Variants in FHDC1 observed in about 807,000 individuals in gnomAD.
FHDC1 encodes the protein FH2 domain-containing protein 1.
In FHDC1, 25 loss-of-function variants were observed where a neutral mutation model predicts 52.6. That is an observed-to-expected ratio of 0.48 (90% CI 0.35 to 0.66). The LOEUF (loss-of-function observed/expected upper bound fraction) is 0.66, where lower values mean the gene tolerates loss of function less well. Ranked by LOEUF, FHDC1 falls within the 30% of genes least tolerant of loss-of-function variation. The pLI, the probability that FHDC1 is intolerant of heterozygous loss-of-function variation, is 0.01. For missense variants in FHDC1, 1,459 were observed against 1,452.8 expected (o/e 1.00, Z -0.07); for synonymous variants, 616 against 581.5 (o/e 1.06, Z -0.85).
chr4:152,972,611 C>T, intron 11 of FHDC1, 70 bp downstream of exon 11: 5 of 1,508,698 alleles, frequency 3.3e-6, no homozygotes, highest in South Asian at 1.3e-5. Context: ...ACCTAGTCAT[C>T]TGCTCACCAC....
chr4:152,942,283 AC>A (rs1278050033), intron 1 of FHDC1, among the ~76,000 whole-genome samples: 3 of 152,188 alleles, frequency 2.0e-5, no homozygotes, highest in Admixed American at 1.3e-4. Context: ...CTTGTCTAAA[AC>A]TATAAGCAGT....
chr4:152,929,832 C>T, the FHDC1 span, among the ~76,000 whole-genome samples: 4 of 151,952 alleles, frequency 2.6e-5, no homozygotes, highest in African/African-American at 9.7e-5. This position sits in a 1 kb window ranked among gnomAD's most constrained non-coding sequence, Gnocchi z 4.1. Context: ...AAAATATGTT[C>T]GAATCTGTCA....
In FHDC1 at chr4:152,960,590, G is replaced by A. The variant is rs766664654; in HGVS notation, c.689G>A (p.Gly230Asp). The A allele has an allele frequency of 3.7e-6, 6 of 1,614,000 alleles. No homozygotes were observed. Among genetic ancestry groups the A allele is most frequent in the East Asian group, 4.5e-5 (2 of 44,882 alleles). ...EEVKKLKAFS[G>D]DVSKLSLADS... ...GTAAAGAAGTTAAAAGCGTTTAGTG[G>A]CGACGTGTCGAAGCTGTCTCTGGCA... is the stretch of plus-strand genomic sequence containing the variant. Residue 230 changes from glycine to aspartate, a missense_variant, in exon 5 of 12, where the codon GGC becomes GAC. Gly to Asp is a moderately conservative substitution (Grantham distance 94). Transcript: ENST00000511601.
At chr4:152,928,487 A>G in the FHDC1 span, among the ~76,000 whole-genome samples, 2 of 152,210 alleles carry the variant, frequency 1.3e-5, no homozygotes, top group African/African-American at 4.8e-5. Context: ...CTGAAGTTCT[A>G]CTAAAAATGC....
chr4:152,949,170 A>AAGAAGAAGAAGAAGAAGC lies in FHDC1; in HGVS notation c.499-4327_499-4326insAAGAAGAAGAAGAAGCAG, dbSNP rs1165422183. ...GAAGAAGAAGAAGAAGAAGAAGAAGAAGCAGAAGAAGAAAATGGTTATGGA... is the reference window on the plus strand; with the variant it reads ...GAAGAAGAAGAAGAAGAAGAAGAAGAAGAAGAAGAAGAAGAAGCAGCAGAAGAAGAAAATGGTTATGGA... On this transcript the variant is annotated intron_variant, in intron 2 of 11. Transcript: ENST00000511601. Among the ~76,000 whole-genome samples, 143 of 142,494 alleles carry AAGAAGAAGAAGAAGAAGC rather than the reference A, an allele frequency of 1.0e-3. 1 individual carries two copies. Among genetic ancestry groups the AAGAAGAAGAAGAAGAAGC allele is most frequent in the Middle Eastern group, 3.8e-3 (1 of 266 alleles). 93.5% of individuals were successfully genotyped at this position (142,494 alleles called of 152,430 possible).
At chr4:152,931,935 TAAAAAAAAAAA>T (rs200667161), upstream of FHDC1, among the ~76,000 whole-genome samples, 913 of 95,256 alleles carry the variant, frequency 9.6e-3, 13 homozygotes, top group African/African-American at 0.032. Flanking sequence ...AGAACCTGTC[TAAAAAAAAAAA>T]AAAAAAAAAA....
intron 6 of FHDC1, 91 bp from the exon 7 acceptor site, chr4:152,962,723 A>G: frequency 9.6e-7 from 1 of 1,037,778 alleles, no homozygotes. Context: ...AGTTTGCTTC[A>G]GATACACTTG....
intron 8 of FHDC1, among the ~76,000 whole-genome samples, chr4:152,963,582 A>T (rs1315989767): frequency 1.3e-5 from 2 of 151,910 alleles, no homozygotes; most frequent in Non-Finnish European, 2.9e-5. Flanking sequence ...GTGAGCGTTG[A>T]GGGGGAGGGT....
chr4:152,924,224 G>T, the FHDC1 span, among the ~76,000 whole-genome samples: 1 of 151,990 alleles, frequency 6.6e-6, no homozygotes, highest in Non-Finnish European at 1.5e-5. Flanking sequence ...CTTCTCAAAA[G>T]AAGACATTTA....
chr4:152,962,733 G>T, intron 6 of FHDC1, 81 bp from the exon 7 acceptor site: 1 of 1,171,824 alleles, frequency 8.5e-7, no homozygotes, highest in South Asian at 1.3e-5. Context: ...AGATACACTT[G>T]AACTTGGATG....
At chr4:152,934,179 G>GA (rs1199022771), upstream of FHDC1, among the ~76,000 whole-genome samples, 2 of 152,130 alleles carry the variant, frequency 1.3e-5, no homozygotes, top group Non-Finnish European at 2.9e-5. Flanking sequence ...TGGTGCATGT[G>GA]AAAAATAAAA....
At position 152,949,090 on chromosome 4, in the gene FHDC1, GTAATAATAA is replaced by G. The variant is rs368429472; in HGVS notation, c.499-4381_499-4373del. On this transcript the variant is annotated intron_variant, in intron 2 of 11. Coordinates refer to ENST00000511601, the MANE Select transcript of FHDC1 (RefSeq NM_001371116.1). ...GGCAACAGAGCAAAACCTTGTCTCA[GTAATAATAA>G]TAATAATAATAATAATAATAATAAT... 5.2e-3 allele frequency among the ~76,000 whole-genome samples: 608 copies of G among 117,508 alleles called. 3 individuals are homozygous for G. Among genetic ancestry groups the G allele is most frequent in the African/African-American group, 0.012 (371 of 29,776 alleles). The allele number at this position is 117,508 out of a possible 152,430, so 77.1% of individuals were successfully genotyped here. A position where few individuals can be genotyped will look rare whatever the true frequency, so the allele number is the denominator to read the frequency against.
rs367965078 is a variant in FHDC1, at chr4:152,943,456, C to A, written c.399C>A (p.Thr133=). 23 of 1,614,092 alleles carry A rather than the reference C, an allele frequency of 1.4e-5. No homozygotes were observed. The highest frequency in any genetic ancestry group is 1.8e-5 in the Non-Finnish European group (21 of 1,180,034). ...ATCACTACCAAATTGATACAAAGAC[C>A]ATTGAGGAGCTCTTTGGGCAGCAGG... The part of the protein sequence containing the change: ...QEHHYQIDTK[T]IEELFGQQED... Residue 133 remains threonine, a synonymous_variant, in exon 2 of 12, where the codon ACC becomes ACA. Transcript: ENST00000511601.
the FHDC1 span, among the ~76,000 whole-genome samples, chr4:152,922,286 A>G: frequency 1.3e-5 from 2 of 152,130 alleles, no homozygotes; most frequent in South Asian, 4.1e-4. Flanking sequence ...CGACACATAC[A>G]CCCTCCCAAG....
At chr4:152,946,324 T>C (rs1739731371) in intron 2 of FHDC1, among the ~76,000 whole-genome samples, 1 of 152,238 alleles carries the variant, frequency 6.6e-6, no homozygotes, top group Non-Finnish European at 1.5e-5. Context: ...TCAAGTATGA[T>C]AAATAGTTGA....
At position 152,976,167 on chromosome 4, in the gene FHDC1, G is replaced by C. The variant is rs1443934924; in HGVS notation, c.2876G>C (p.Arg959Pro). ...STGAEEQRLP[R>P]GSSGSSSTRP... ...GGCGCCGAAGAGCAGAGGCTGCCGC[G>C]GGGGAGCAGCGGCTCCAGCAGCACC... Residue 959 changes from arginine (R) to proline (P), a missense_variant, in exon 12 of 12, where the codon CGG (arginine) becomes CCG (proline). Physicochemically the swap from Arg to Pro is moderately radical, Grantham distance 103 (BLOSUM62 -2). Around this residue, in one of 3 missense-constraint regions of FHDC1, gnomAD observed 939 missense variants for 854.5 expected, o/e 1.10. Coordinates refer to ENST00000511601, the MANE Select transcript of FHDC1 (RefSeq NM_001371116.1). 6.2e-7 allele frequency: 1 copy of C among 1,612,042 alleles called. No individual in the cohort carries two copies. The highest frequency in any genetic ancestry group is 1.7e-5 in the Admixed American group (1 of 59,916).
At chr4:152,957,477 C>T (rs965662413) in intron 4 of FHDC1, among the ~76,000 whole-genome samples, 1 of 152,146 alleles carries the variant, frequency 6.6e-6, no homozygotes, top group Non-Finnish European at 1.5e-5. Context: ...GATACAGCAG[C>T]GGGGTGGACT....
At chr4:152,936,249 A>C (rs1739368857), upstream of FHDC1, 1 of 152,090 alleles carries the variant, frequency 6.6e-6, no homozygotes, top group Non-Finnish European at 1.5e-5. Flanking sequence ...GCGAGGCCGC[A>C]GCTTTGTTAC....
At chr4:152,940,180 CA>C (rs1483379290) in intron 1 of FHDC1, among the ~76,000 whole-genome samples, 1 of 152,202 alleles carries the variant, frequency 6.6e-6, no homozygotes. Flanking sequence ...CATCCTGGCC[CA>C]GGGGGAAACC....
Sources: allele counts gnomAD v4.1 joint callset (sites outside exome capture counted in the v4.1 genomes callset), GRCh38; gene constraint gnomAD v4.1.1; regional missense constraint gnomAD v4.1.1; non-coding constraint Gnocchi (gnomAD v3.1); transcripts MANE v1.5; gene names NCBI Gene and HGNC (gene_info 2026-07-23, HGNC 2026-07-21).